KRT9: variants seen among roughly 807,000 people sequenced by gnomAD.
The protein encoded by KRT9 is keratin, type I cytoskeletal 9.
KRT9 carries 34 observed loss-of-function variants against 51.4 expected under a neutral mutation model. The observed-to-expected ratio is 0.66, with a 90% CI of 0.50 to 0.88. The LOEUF (loss-of-function observed/expected upper bound fraction) is 0.88. Among genes scored for constraint, KRT9 ranks in the 40% least tolerant of loss-of-function variants. The pLI, the probability that KRT9 is intolerant of heterozygous loss-of-function variation, is 0.00. For synonymous variants in KRT9, 292 were observed against 289.7 expected (o/e 1.01, Z -0.08); for missense variants, 753 against 790.3 (o/e 0.95, Z 0.57).
chr17:41,570,350 A>G, intron 1 of KRT9, 130 bp from the exon 2 acceptor site: 1 of 807,150 alleles, frequency 1.2e-6, no homozygotes. Context: ...GGAACTTCCA[A>G]CAGCTGGGAC....
Position 41,567,542 on chromosome 17 carries a change from C to A in KRT9, c.1603G>T (p.Gly535Cys). 6.4e-7 allele frequency: 1 copy of A among 1,550,858 alleles called. No individual in the cohort carries two copies. Among genetic ancestry groups the A allele is most frequent in the Non-Finnish European group, 8.7e-7 (1 of 1,147,262 alleles). ...GSGGGSGGGY[G>C]GGSGGGHSGG... is the part of the protein sequence containing the mutation. The stretch of plus-strand genomic sequence containing the variant: ...CTATGGCCACCTCCACTTCCTCCAC[C>A]ATAGCCACCTCCACTACCTCCTCCA... Residue 535 changes from glycine to cysteine, a missense_variant, in exon 7 of 8, where the codon GGT (glycine) becomes TGT (cysteine). By Grantham distance (159) the Gly-to-Cys change is radical. Around this residue, in one of 3 missense-constraint regions of KRT9, gnomAD observed 507 missense variants for 563.7 expected, o/e 0.90. Coordinates refer to ENST00000246662, the MANE Select transcript of KRT9 (RefSeq NM_000226.4).
intron 7 of KRT9, 90 bp downstream of exon 7, chr17:41,567,143 A>G: frequency 1.3e-6 from 2 of 1,577,286 alleles, no homozygotes; most frequent in Non-Finnish European, 1.7e-6. Flanking sequence ...TCTATTCAGA[A>G]TCTGTGTTCC....
Position 41,571,577 on chromosome 17 carries a change from C to T in KRT9, c.416G>A (p.Gly139Asp). 1 of 1,608,450 alleles carries T rather than the reference C, an allele frequency of 6.2e-7. No individual in the cohort carries two copies. Among genetic ancestry groups the T allele is most frequent in the Non-Finnish European group, 8.5e-7 (1 of 1,176,532 alleles). The part of the protein sequence containing the change: ...SGFGGFGGFG[G>D]GAGGGDGGIL... The stretch of plus-strand genomic sequence containing the variant: ...ACCACCATCACCTCCTCCAGCACCA[C>T]CTCCAAAGCCCCCAAACCCCCCAAA... Residue 139 changes from glycine to aspartate, a missense_variant, in exon 1 of 8, where the codon GGT becomes GAT. Transcript: ENST00000246662.
Position 41,571,618 on chromosome 17 carries a change from A to G in KRT9, c.375T>C (p.Gly125=). The stretch of plus-strand genomic sequence containing the variant: ...ACCCCCCAAACCCACTCCCATAGCC[A>G]CCACCAAAGCCACCTCCAGAACCAC... The part of the protein sequence containing the change: ...FGGGSGGGFG[G]GYGSGFGGFG... The change falls in exon 1 of 8, where the codon GGT becomes GGC. Residue 125 remains glycine, a synonymous_variant. Transcript: ENST00000246662. The G allele has an allele frequency of 6.2e-7, 1 of 1,605,250 alleles. No individual in the cohort carries two copies. The highest frequency in any genetic ancestry group is 2.3e-5 in the East Asian group (1 of 44,302).
intron 3 of KRT9, 128 bp downstream of exon 3, chr17:41,569,731 G>A (rs1185133652): frequency 1.3e-5 from 19 of 1,481,556 alleles, no homozygotes; most frequent in Non-Finnish European, 1.8e-5. Flanking sequence ...TGATGCCAAG[G>A]AGAAGTTGAA....
At position 41,570,207 on chromosome 17, in the gene KRT9, G is replaced by A. The variant is rs148767054; in HGVS notation, c.656C>T (p.Thr219Ile). ...CAGGAGAGTTTTGTTGTTGCCCACT[G>A]TCAGGTCCACAATCTGAAAAAAAAA... Reference protein sequence around the residue: ...DDLKDQIVDLTVGNNKTLLDI... With the variant: ...DDLKDQIVDLIVGNNKTLLDI... The change falls in exon 2 of 8, where the codon ACA (threonine) becomes ATA (isoleucine). Residue 219 changes from threonine to isoleucine, a missense_variant. Thr to Ile is a moderately conservative substitution (Grantham distance 89, BLOSUM62 -1). Coordinates refer to ENST00000246662, the MANE Select transcript of KRT9 (RefSeq NM_000226.4). The A allele has an allele frequency of 8.9e-5, 143 of 1,613,670 alleles. No individual in the cohort carries two copies. Among genetic ancestry groups the A allele is most frequent in the Non-Finnish European group, 1.2e-4 (136 of 1,179,830 alleles).
In KRT9 at chr17:41,570,250, C is replaced by T. The variant is rs535844147; in HGVS notation, c.643-30G>A. 529 of 1,590,722 alleles carry T rather than the reference C, an allele frequency of 3.3e-4. 4 individuals carry two copies. In the South Asian group the frequency reaches 5.5e-3, roughly 17 times the overall value. On this transcript the variant is annotated intron_variant, in intron 1 of 7. Transcript: ENST00000246662. ...AAAAAAAAGGACACAGCCATGATAT[C>T]ATGCTGTGGACCACTGCTGAGAGGG... is the stretch of plus-strand genomic sequence containing the variant.
At position 41,569,560 on chromosome 17, in the gene KRT9, T is replaced by G; in HGVS notation, c.910A>C (p.Ser304Arg). 1 of 1,614,048 alleles carries G rather than the reference T, an allele frequency of 6.2e-7. No individual in the cohort carries two copies. Among genetic ancestry groups the G allele is most frequent in the Non-Finnish European group, 8.5e-7 (1 of 1,180,034 alleles). Residue 304 changes from serine to arginine, a missense_variant, in exon 4 of 8, where the codon AGT (serine) becomes CGT (arginine). By Grantham distance (110) the Ser-to-Arg change is moderately radical. Around this residue, in one of 3 missense-constraint regions of KRT9, gnomAD observed 507 missense variants for 563.7 expected, o/e 0.90. Coordinates refer to ENST00000246662, the MANE Select transcript of KRT9 (RefSeq NM_000226.4). ...EEMSQLTGQN[S>R]GDVNVEINVA... The stretch of plus-strand genomic sequence containing the variant: ...TTTATCTCCACATTGACATCTCCAC[T>G]GTTCTGCCCAGTCAGCTGACTCATC...
intron 4 of KRT9, 23 bp from the exon 5 acceptor site, chr17:41,568,656 A>G (rs1906964279): frequency 6.2e-7 from 1 of 1,613,978 alleles, no homozygotes; most frequent in Non-Finnish European, 8.5e-7. Flanking sequence ...AGGCTCAGTA[A>G]GCATCAGGCT....
Position 41,567,437 on chromosome 17 carries a change from C to G in KRT9, c.1708G>C (p.Gly570Arg), listed in dbSNP as rs1276783215. ...GACCCACTTCCTCCACCATAGCCAC[C>G]CCCACTTCCTCCTCCAGAGCCACTT... ...GGSGSGGGSG[G>R]GYGGGSGSRG... is the part of the protein sequence containing the mutation. Residue 570 changes from glycine to arginine, a missense_variant, in exon 7 of 8, where the codon GGT becomes CGT. Gly to Arg is a moderately radical substitution (Grantham distance 125). Around this residue, in one of 3 missense-constraint regions of KRT9, gnomAD observed 507 missense variants for 563.7 expected, o/e 0.90. Coordinates refer to ENST00000246662, the MANE Select transcript of KRT9 (RefSeq NM_000226.4). The G allele has an allele frequency of 6.4e-7, 1 of 1,558,312 alleles. No homozygotes were observed. Among genetic ancestry groups the G allele is most frequent in the Admixed American group, 2.0e-5 (1 of 51,276 alleles).
At position 41,567,484 on chromosome 17, in the gene KRT9, C is replaced by T. The variant is rs1001712928; in HGVS notation, c.1661G>A (p.Ser554Asn). 6.4e-7 allele frequency: 1 copy of T among 1,551,796 alleles called. No homozygotes were observed. The highest frequency in any genetic ancestry group is 1.2e-5 in the South Asian group (1 of 84,218). The stretch of plus-strand genomic sequence containing the variant: ...ACTTCCTCCTCCATAGTTGCCCCCA[C>T]TTCCTCCACTATGACCACCTCCACT... ...GGSGGGHSGG[S>N]GGNYGGGSGS... Residue 554 changes from serine to asparagine, a missense_variant, in exon 7 of 8, where the codon AGT becomes AAT. Ser to Asn is a conservative substitution (Grantham distance 46, BLOSUM62 1). Around this residue, in one of 3 missense-constraint regions of KRT9, gnomAD observed 507 missense variants for 563.7 expected, o/e 0.90. Transcript: ENST00000246662.
rs2144570964 is a variant in KRT9 at position 41,570,195 on chromosome 17, T to G, written c.668A>C (p.Asn223Thr). 6.2e-7 allele frequency: 1 copy of G among 1,614,104 alleles called. No individual in the cohort carries two copies. The highest frequency in any genetic ancestry group is 2.2e-5 in the East Asian group (1 of 44,878). ...GTTGTCAATGTCCAGGAGAGTTTTG[T>G]TGTTGCCCACTGTCAGGTCCACAAT... ...DQIVDLTVGN[N>T]KTLLDIDNTR... is the part of the protein sequence containing the mutation. The change falls in exon 2 of 8, where the codon AAC becomes ACC. Residue 223 changes from asparagine (N) to threonine (T), a missense_variant. Transcript: ENST00000246662.
rs1818018218 is a variant in KRT9, at chr17:41,571,354, G to T, written c.639C>A (p.Asp213Glu). 1.9e-6 allele frequency: 3 copies of T among 1,613,408 alleles called. No homozygotes were observed. The highest frequency in any genetic ancestry group is 2.5e-6 in the Non-Finnish European group (3 of 1,179,406). The change falls in exon 1 of 8, where the codon GAC (aspartate) becomes GAA (glutamate). Residue 213 changes from aspartate (D) to glutamate (E), a missense_variant. Transcript: ENST00000246662. The part of the protein sequence containing the change: ...PYYNTIDDLK[D>E]QIVDLTVGNN... ...AGAGACAGTTTCCTGCACCTACCTGGTCCTTGAGATCATCAATAGTGTTAT... is the reference window on the plus strand; with the variant it reads ...AGAGACAGTTTCCTGCACCTACCTGTTCCTTGAGATCATCAATAGTGTTAT...
At position 41,567,455 on chromosome 17, in the gene KRT9, A is replaced by G. The variant is rs902401245; in HGVS notation, c.1690T>C (p.Ser564Pro). ...TAGCCACCCCCACTTCCTCCTCCAGAGCCACTTCCTCCTCCATAGTTGCCC... is the reference window on the plus strand; with the variant it reads ...TAGCCACCCCCACTTCCTCCTCCAGGGCCACTTCCTCCTCCATAGTTGCCC... ...SGGNYGGGSG[S>P]GGGSGGGYGG... The change falls in exon 7 of 8, where the codon TCT (serine) becomes CCT (proline). Residue 564 changes from serine (S) to proline (P), a missense_variant. Ser to Pro is a moderately conservative substitution (Grantham distance 74, BLOSUM62 -1). Around this residue, in one of 3 missense-constraint regions of KRT9, gnomAD observed 507 missense variants for 563.7 expected, o/e 0.90. Transcript: ENST00000246662. 6.6e-7 allele frequency: 1 copy of G among 1,514,404 alleles called. No individual in the cohort carries two copies. Among genetic ancestry groups the G allele is most frequent in the Non-Finnish European group, 8.8e-7 (1 of 1,134,480 alleles). 93.8% of individuals were successfully genotyped at this position (1,514,404 alleles called of 1,614,324 possible). A position where few individuals can be genotyped will look rare whatever the true frequency, so the allele number is the denominator to read the frequency against.
Position 41,570,024 on chromosome 17 carries a change from C to A in KRT9, c.726-9G>T, listed in dbSNP as rs3816510. The A allele has an allele frequency of 0.58, 936,929 of 1,613,752 alleles. 278,708 individuals are homozygous for A. The highest frequency in any genetic ancestry group is 0.96 in the East Asian group (42,898 of 44,866). The stretch of plus-strand genomic sequence containing the variant: ...TTTGCTCCATCTCAAACCTGCAGAC[C>A]AGCCAGGGTTAGAAAACAATCAAGA... On this transcript the variant is annotated splice_polypyrimidine_tract_variant and intron_variant, in intron 2 of 7. Coordinates refer to ENST00000246662, the MANE Select transcript of KRT9 (RefSeq NM_000226.4).
At chr17:41,570,115 A>G (rs536247371) in intron 2 of KRT9, 23 bp downstream of exon 2, 3 of 1,612,960 alleles carry the variant, frequency 1.9e-6, no homozygotes, top group Non-Finnish European at 2.5e-6. Context: ...ATGACAGGAG[A>G]GGAGAAGAGG....
rs766092353 is a variant in KRT9 at position 41,569,504 on chromosome 17, G to T, written c.966C>A (p.Thr322=). ...NVAPGKDLTK[T]LNDMRQEYEQ... The stretch of plus-strand genomic sequence containing the variant: ...CATACTCCTGACGCATGTCATTGAG[G>T]GTCTTGGTGAGATCTTTGCCAGGAG... The change falls in exon 4 of 8, where the codon ACC becomes ACA. Residue 322 remains threonine, a synonymous_variant. Transcript: ENST00000246662. 6.2e-7 allele frequency: 1 copy of T among 1,614,114 alleles called. No individual in the cohort carries two copies. Among genetic ancestry groups the T allele is most frequent in the Non-Finnish European group, 8.5e-7 (1 of 1,179,998 alleles).
Position 41,569,194 on chromosome 17 carries a change from A to G in KRT9, c.1044+232T>C, listed in dbSNP as rs28451311. ...CTTGTTTGGCTCATATCAGACATCAATACCTCTGAGACATCAATACTTTAC... is the reference window on the plus strand; with the variant it reads ...CTTGTTTGGCTCATATCAGACATCAGTACCTCTGAGACATCAATACTTTAC... On this transcript the variant is annotated intron_variant, in intron 4 of 7. Transcript: ENST00000246662. 0.053 allele frequency among the ~76,000 whole-genome samples: 8,104 copies of G among 152,348 alleles called. 626 individuals are homozygous for G. The highest frequency in any genetic ancestry group is 0.17 in the African/African-American group (7,032 of 41,554).
chr17:41,570,226 A>T lies in KRT9; in HGVS notation c.643-6T>A. The T allele has an allele frequency of 6.2e-7, 1 of 1,613,492 alleles. No individual in the cohort carries two copies. Among genetic ancestry groups the T allele is most frequent in the Non-Finnish European group, 8.5e-7 (1 of 1,179,476 alleles). ...CCCACTGTCAGGTCCACAATCTGAAAAAAAAAGGACACAGCCATGATATCA... is the reference window on the plus strand; with the variant it reads ...CCCACTGTCAGGTCCACAATCTGAATAAAAAAGGACACAGCCATGATATCA... On this transcript the variant is annotated splice_region_variant and splice_polypyrimidine_tract_variant and intron_variant, in intron 1 of 7. Transcript: ENST00000246662.
Sources: allele counts gnomAD v4.1 joint callset (sites outside exome capture counted in the v4.1 genomes callset), GRCh38; gene constraint gnomAD v4.1.1; regional missense constraint gnomAD v4.1.1; transcripts MANE v1.5; gene names NCBI Gene and HGNC (gene_info 2026-07-23, HGNC 2026-07-21).